The following VWA3B variants were observed in gnomAD, a reference collection of about 807,000 sequenced individuals.
The protein encoded by VWA3B is von Willebrand factor A domain-containing protein 3B.
A neutral mutation model predicts 158.3 loss-of-function variants in VWA3B; 138 were observed. The observed-to-expected ratio is 0.87, with a 90% CI of 0.76 to 1.00. The LOEUF is 1.00. Ranked by LOEUF, VWA3B falls within the 50% of genes least tolerant of loss-of-function variation. The pLI is 0.00. For missense variants in VWA3B, 1,555 were observed against 1,565.1 expected (o/e 0.99, Z 0.11); for synonymous variants, 596 against 587.3 (o/e 1.01, Z -0.21).
At chr2:98,190,193 C>A (rs1681456135) in intron 10 of VWA3B, among the ~76,000 whole-genome samples, 1 of 152,024 alleles carries the variant, frequency 6.6e-6, no homozygotes, top group Admixed American at 6.6e-5. Flanking sequence ...ATTAGCTCTA[C>A]CTCTTTGTTG....
intron 13 of VWA3B, among the ~76,000 whole-genome samples, chr2:98,216,411 T>G (rs978280823): frequency 3.3e-5 from 5 of 152,256 alleles, no homozygotes; most frequent in Non-Finnish European, 5.9e-5. Context: ...GATAAAGGCA[T>G]GTGCACCATC....
intron 14 of VWA3B, among the ~76,000 whole-genome samples, chr2:98,223,947 T>C (rs1406731810): frequency 6.6e-6 from 1 of 152,114 alleles, no homozygotes; most frequent in Non-Finnish European, 1.5e-5. Flanking sequence ...AGGCTGGTCT[T>C]GAACTCCTGG....
At chr2:98,183,982 T>C (rs571621354) in intron 9 of VWA3B, among the ~76,000 whole-genome samples, 1 of 151,092 alleles carries the variant, frequency 6.6e-6, no homozygotes, top group Admixed American at 6.5e-5. Flanking sequence ...GCTTCTATGC[T>C]TTATATTCAA....
intron 19 of VWA3B, among the ~76,000 whole-genome samples, chr2:98,246,102 G>A (rs1401731660): frequency 2.6e-5 from 4 of 151,876 alleles, no homozygotes; most frequent in African/African-American, 4.8e-5. Context: ...TTTAATTACC[G>A]AATTAAATAT....
intron 22 of VWA3B, among the ~76,000 whole-genome samples, chr2:98,282,593 C>A (rs923469655): frequency 6.6e-6 from 1 of 151,928 alleles, no homozygotes; most frequent in African/African-American, 2.4e-5. Context: ...CACGGCACCA[C>A]ACCCAGCTAA....
At chr2:98,294,143 T>C (rs1456849865) in intron 23 of VWA3B, among the ~76,000 whole-genome samples, 2 of 141,354 alleles carry the variant, frequency 1.4e-5, no homozygotes, top group East Asian at 2.1e-4. Context: ...ATTGGTGATG[T>C]TAATTTAGAT....
At chr2:98,276,622 T>C (rs1334307652) in intron 22 of VWA3B, among the ~76,000 whole-genome samples, 1 of 149,182 alleles carries the variant, frequency 6.7e-6, no homozygotes, top group African/African-American at 2.5e-5. Context: ...TGGAGTGGGC[T>C]GCCCACGTGT....
At chr2:98,146,753 T>C (rs1011110066) in intron 7 of VWA3B, among the ~76,000 whole-genome samples, 1 of 152,202 alleles carries the variant, frequency 6.6e-6, no homozygotes, top group Non-Finnish European at 1.5e-5. Flanking sequence ...AAAAAAGGTG[T>C]TTGTGTTTTC....
chr2:98,217,008 G>A, intron 13 of VWA3B: 1 of 1,265,578 alleles, frequency 7.9e-7, no homozygotes, highest in South Asian at 1.3e-5. Context: ...GTCTCAGGTG[G>A]TCCCTTCATG....
chr2:98,281,641 C>T (rs941397292), intron 22 of VWA3B, among the ~76,000 whole-genome samples: 4 of 152,132 alleles, frequency 2.6e-5, no homozygotes, highest in African/African-American at 9.7e-5. Context: ...TTAGTCATTT[C>T]ACTATCTCCA....
intron 2 of VWA3B, among the ~76,000 whole-genome samples, chr2:98,111,318 C>T (rs922659664): frequency 6.6e-6 from 1 of 152,144 alleles, no homozygotes; most frequent in African/African-American, 2.4e-5. Flanking sequence ...TCTATACACA[C>T]CATGTGGTCT....
chr2:98,114,438 C>T (rs949313778), intron 2 of VWA3B, among the ~76,000 whole-genome samples: 58 of 152,134 alleles, frequency 3.8e-4, no homozygotes, highest in Admixed American at 3.9e-4. Flanking sequence ...TTACTCTTTA[C>T]TATTGTGAAA....
At chr2:98,316,534 C>T (rs905219610), downstream of VWA3B, among the ~76,000 whole-genome samples, 8 of 151,278 alleles carry the variant, frequency 5.3e-5, no homozygotes, top group African/African-American at 1.9e-4. Flanking sequence ...GTCTCAGCTA[C>T]TTGGGGTGGG....
chr2:98,147,827 T>C lies in VWA3B; in HGVS notation c.988+13888T>C, dbSNP rs1677291000. On this transcript the variant is annotated intron_variant, in intron 7 of 27. Transcript: ENST00000477737. ...TAACTCGTCATTTACATTAGGTATA[T>C]CTCCTAATGCTATCACTCCCCCCTC... is the stretch of plus-strand genomic sequence containing the variant. Among the ~76,000 whole-genome samples the C allele has an allele frequency of 2.6e-5, 4 of 151,960 alleles. No homozygotes were observed. In the South Asian group the frequency reaches 6.2e-4, roughly 24 times the overall value.
intron 23 of VWA3B, among the ~76,000 whole-genome samples, chr2:98,295,889 C>G (rs1336198900): frequency 9.9e-5 from 15 of 152,190 alleles, no homozygotes; most frequent in Admixed American, 9.2e-4. Flanking sequence ...TACAGCTGCC[C>G]AGAGTGAGGC....
intron 22 of VWA3B, among the ~76,000 whole-genome samples, chr2:98,281,704 G>A (rs897468107): frequency 6.6e-6 from 1 of 152,072 alleles, no homozygotes; most frequent in Non-Finnish European, 1.5e-5. Context: ...TGAAAAGAGG[G>A]TCACACCATT....
intron 12 of VWA3B, chr2:98,207,317 G>A (rs1215087006): frequency 1.0e-5 from 5 of 487,932 alleles, no homozygotes; most frequent in African/African-American, 9.8e-5. Context: ...ACTGAGCTGG[G>A]CATCTATCTA....
chr2:98,223,854 C>G (rs918045120), intron 14 of VWA3B, among the ~76,000 whole-genome samples: 1 of 152,080 alleles, frequency 6.6e-6, no homozygotes, highest in Non-Finnish European at 1.5e-5. Context: ...CCTCAGCCTT[C>G]CAAGTAGCTA....
chr2:98,281,838 G>A (rs751925308), intron 22 of VWA3B, among the ~76,000 whole-genome samples: 4 of 152,174 alleles, frequency 2.6e-5, no homozygotes, highest in Non-Finnish European at 5.9e-5. Flanking sequence ...TGGTGTCATT[G>A]CTCGTGGGAC....
Sources: allele counts gnomAD v4.1 joint callset (sites outside exome capture counted in the v4.1 genomes callset), GRCh38; gene constraint gnomAD v4.1.1; transcripts MANE v1.5; gene names NCBI Gene and HGNC (gene_info 2026-07-23, HGNC 2026-07-21).